Variants in HDAC6 observed in about 807,000 individuals in gnomAD.
HDAC6 encodes protein deacetylase HDAC6.
HDAC6 carries 5 observed loss-of-function variants against 88.9 expected under a neutral mutation model. That is an observed-to-expected ratio of 0.06 (90% CI 0.03 to 0.12). The LOEUF (loss-of-function observed/expected upper bound fraction) is 0.12. HDAC6 is among the 10% of genes least tolerant of loss of function. HDAC6 has a pLI of 1.00. For missense variants in HDAC6, 706 were observed against 1,014.4 expected, an observed-to-expected ratio of 0.70 and a Z score of 4.13; for synonymous variants, 378 against 398.0, an observed-to-expected ratio of 0.95 and a Z score of 0.60.
chrX:48,806,501 A>C (rs1569502513), intron 7 of HDAC6, 37 bp downstream of exon 7: 2 of 1,083,980 alleles, frequency 1.8e-6, no homozygotes, highest in Non-Finnish European at 2.6e-6. Context: ...GAATGGTGGC[A>C]ATCTTGGGGT....
At position 48,818,258 on chromosome X, in the gene HDAC6, C is replaced by T. The variant is rs925480279; in HGVS notation, c.2033C>T (p.Thr678Ile). Reference protein sequence around the residue: ...YVSLHRYDHGTFFPMGDEGAS... With the variant: ...YVSLHRYDHGIFFPMGDEGAS... ...TCCCTGCACCGCTATGATCATGGCA[C>T]CTTCTTCCCCATGGGGGATGAGGGT... Residue 678 changes from threonine (T) to isoleucine (I), a missense_variant, in exon 22 of 29, where the codon ACC (threonine) becomes ATC (isoleucine). Around this residue, in one of 9 missense-constraint regions of HDAC6, gnomAD observed 138 missense variants for 303.5 expected, o/e 0.45. Coordinates refer to ENST00000334136, the MANE Select transcript of HDAC6 (RefSeq NM_006044.4). The T allele has an allele frequency of 8.4e-7, 1 of 1,196,218 alleles. No homozygotes were observed. Among genetic ancestry groups the T allele is most frequent in the Non-Finnish European group, 1.1e-6 (1 of 887,276 alleles).
At chrX:48,803,524 A>G (rs2147324738) in intron 4 of HDAC6, 1 of 267,881 alleles carries the variant, frequency 3.7e-6, no homozygotes, top group East Asian at 7.3e-5. Flanking sequence ...TTTAATGAAG[A>G]CAGACTTAAG....
intron 8 of HDAC6, 104 bp downstream of exon 8, chrX:48,806,810 A>G (rs1233789758): frequency 4.3e-6 from 2 of 463,780 alleles, no homozygotes; most frequent in Non-Finnish European, 6.9e-6. Context: ...CAAGAATCCA[A>G]AGGTAAAAAA....
At chrX:48,807,965 G>T (rs1419580407) in intron 8 of HDAC6, 68 bp from the exon 9 acceptor site, 1 of 720,853 alleles carries the variant, frequency 1.4e-6, no homozygotes, top group Non-Finnish European at 2.1e-6. Context: ...AGAGAGCAGG[G>T]GACAGTCTGT....
At chrX:48,804,376 A>T (rs782334032) in intron 4 of HDAC6, among the ~76,000 whole-genome samples, 1 of 110,874 alleles carries the variant, frequency 9.0e-6, no homozygotes, top group Admixed American at 9.6e-5. Context: ...ACCCTGACCA[A>T]CCCCTTTCCC....
At chrX:48,807,296 C>T (rs781976763) in intron 8 of HDAC6, among the ~76,000 whole-genome samples, 3 of 111,952 alleles carry the variant, frequency 2.7e-5, no homozygotes, top group Non-Finnish European at 5.6e-5. Context: ...AATCAGTCCC[C>T]GACTAATGGG....
rs369005856 is a variant in HDAC6, at chrX:48,814,491, C to T, written c.858C>T (p.His286=). ...ACGAGCAGGGTAGGTTCTGGCCCCA[C>T]CTGAAGGCCTCTAACTGGTCCACCA... The part of the protein sequence containing the change: ...HRYEQGRFWP[H]LKASNWSTTG... Residue 286 remains histidine, a synonymous_variant, in exon 11 of 29, where the codon CAC becomes CAT. Coordinates refer to ENST00000334136, the MANE Select transcript of HDAC6 (RefSeq NM_006044.4). The T allele has an allele frequency of 5.5e-5, 67 of 1,209,942 alleles. No individual in the cohort carries two copies. In the Middle Eastern group the frequency reaches 6.9e-4, roughly 12 times the overall value.
At chrX:48,808,001 A>T in intron 8 of HDAC6, 32 bp from the exon 9 acceptor site, 1 of 1,029,266 alleles carries the variant, frequency 9.7e-7, no homozygotes, top group Non-Finnish European at 1.3e-6. Flanking sequence ...CCCCTCACAT[A>T]CTCCAAGCTG....
rs370891084 is a variant in HDAC6 at position 48,823,229 on chromosome X, G to A, written c.2830G>A (p.Gly944Arg). 3.3e-6 allele frequency: 4 copies of A among 1,201,369 alleles called. No individual in the cohort carries two copies. The African/African-American group carries it at 5.3e-5, about 16-fold the overall frequency. ...CCAGACCACCTCAGAGGAGGCTGTC[G>A]GGGGAGCCACTCCGGACCAGACCAC... ...LGQTTSEEAV[G>R]GATPDQTTSE... The change falls in exon 25 of 29, where the codon GGG becomes AGG. Residue 944 changes from glycine (G) to arginine (R), a missense_variant. By Grantham distance (125) the Gly-to-Arg change is moderately radical. Coordinates refer to ENST00000334136, the MANE Select transcript of HDAC6 (RefSeq NM_006044.4).
intron 10 of HDAC6, among the ~76,000 whole-genome samples, chrX:48,809,820 A>C (rs1317254503): frequency 9.1e-6 from 1 of 109,540 alleles, no homozygotes; most frequent in African/African-American, 3.3e-5. Context: ...AAAAAAGTTT[A>C]GGATTTTACA....
rs1196246278 is a variant in HDAC6 at position 48,802,087 on chromosome X, C to T, written c.-86C>T. On this transcript the variant is annotated 5_prime_UTR_variant, in exon 1 of 29. Transcript: ENST00000334136. ...GAGCTGGTTGAAGGAACGGGGCAGT[C>T]CCCTGAGGAGCGGGGCTGGTTGAAA... 2 of 892,409 alleles carry T rather than the reference C, an allele frequency of 2.2e-6. No individual in the cohort carries two copies. Among genetic ancestry groups the T allele is most frequent in the South Asian group, 2.5e-5 (1 of 39,647 alleles). The allele number at this position is 892,409 out of a possible 1,213,427, so 73.5% of individuals were successfully genotyped here.
At position 48,823,311 on chromosome X, in the gene HDAC6, T is replaced by C. The variant is rs782816419; in HGVS notation, c.2912T>C (p.Val971Ala). The C allele has an allele frequency of 1.1e-5, 13 of 1,199,300 alleles. No homozygotes were observed. The highest frequency in any genetic ancestry group is 2.3e-4 in the Middle Eastern group (1 of 4,347). ...ILDQTTSEDA[V>A]GGATLGQTTS... ...GACCAGACCACCTCAGAGGATGCTG[T>C]TGGGGGAGCCACGCTGGGCCAGACT... The change falls in exon 25 of 29, where the codon GTT becomes GCT. Residue 971 changes from valine to alanine, a missense_variant. By Grantham distance (64) the Val-to-Ala change is moderately conservative. Transcript: ENST00000334136.
Position 48,802,739 on chromosome X carries a change from G to A in HDAC6, c.47G>A (p.Ser16Asn), listed in dbSNP as rs781864550. 2.5e-6 allele frequency: 3 copies of A among 1,209,396 alleles called. No homozygotes were observed. In the East Asian group the frequency reaches 8.9e-5, roughly 36 times the overall value. The change falls in exon 2 of 29, where the codon AGT becomes AAT. Residue 16 changes from serine (S) to asparagine (N), a missense_variant. This residue lies in a region of HDAC6 where 193 missense variants were observed against 258.2 expected (regional missense o/e 0.75). Transcript: ENST00000334136. ...TCCACCACAACCAGGCAGCGAAGAA[G>A]TAGGCAGAACCCCCAGTCGCCCCCT... ...QDSTTTRQRR[S>N]RQNPQSPPQD...
chrX:48,812,970 C>G (rs782339174), intron 10 of HDAC6, among the ~76,000 whole-genome samples: 1 of 111,025 alleles, frequency 9.0e-6, no homozygotes, highest in Non-Finnish European at 1.9e-5. Flanking sequence ...TGCAGTGGCC[C>G]GATCTCGGCT....
upstream of HDAC6, chrX:48,801,720 G>A (rs955115049): frequency 1.1e-5 from 5 of 476,160 alleles, no homozygotes; most frequent in African/African-American, 1.0e-4. Flanking sequence ...GCACGCCGAC[G>A]CACCGCCCCG....
At chrX:48,814,254 A>G (rs2062945818) in intron 10 of HDAC6, 186 bp from the exon 11 acceptor site, 1 of 454,518 alleles carries the variant, frequency 2.2e-6, no homozygotes, top group Admixed American at 4.2e-5. Context: ...GACTGAATGT[A>G]AGGGTAAATT....
At chrX:48,820,290 AGG>A in intron 23 of HDAC6, 35 bp downstream of exon 23, 1 of 1,119,723 alleles carries the variant, frequency 8.9e-7, no homozygotes, top group Non-Finnish European at 1.2e-6. Context: ...CCACAGTGGG[AGG>A]GTAGTTTGGA....
At chrX:48,817,812 G>T in intron 20 of HDAC6, 1 of 432,642 alleles carries the variant, frequency 2.3e-6, no homozygotes, top group Non-Finnish European at 4.0e-6. Flanking sequence ...CAAGGCCCAG[G>T]GTCCAGTTCC....
In HDAC6 at chrX:48,818,013, G is replaced by A. The variant is rs782401214; in HGVS notation, c.1926-28G>A. On this transcript the variant is annotated intron_variant, in intron 20 of 28. Coordinates refer to ENST00000334136, the MANE Select transcript of HDAC6 (RefSeq NM_006044.4). ...CCTCTTCCAGGGCGTGAGTATCGTC[G>A]GTTACTGAGGTGCTGTCTCCTCCCC... The A allele has an allele frequency of 6.9e-6, 8 of 1,165,944 alleles. No individual in the cohort carries two copies. The East Asian group carries it at 1.8e-4, about 27-fold the overall frequency.
Sources: gnomAD v4.1 joint callset for allele counts (sites outside exome capture counted in the v4.1 genomes callset) on GRCh38, gnomAD v4.1.1 for gene constraint, gnomAD v4.1.1 regional missense constraint, MANE v1.5 for transcripts, NCBI Gene and HGNC (gene_info 2026-07-23, HGNC 2026-07-21) for gene names.